Variants in PCDHGA2 observed in about 807,000 individuals in gnomAD.
PCDHGA2 encodes protocadherin gamma subfamily A, 2.
A neutral mutation model predicts 59.2 loss-of-function variants in PCDHGA2; 40 were observed. The observed-to-expected ratio is 0.68, with a 90% CI of 0.52 to 0.88. The LOEUF (loss-of-function observed/expected upper bound fraction) is 0.88, where lower values mean the gene tolerates loss of function less well. PCDHGA2 is among the 40% of genes least tolerant of loss of function. The probability of loss-of-function intolerance (pLI) is 0.00; values close to 1 mark genes in which losing one functional copy is unlikely to be tolerated. For synonymous variants in PCDHGA2, 560 were observed against 526.0 expected, an observed-to-expected ratio of 1.06 and a Z score of -0.89; for missense variants, 1,226 against 1,204.0, an observed-to-expected ratio of 1.02 and a Z score of -0.27.
At chr5:141,355,460 C>A in intron 1 of PCDHGA2, 1 of 1,614,006 alleles carries the variant, frequency 6.2e-7, no homozygotes, top group Non-Finnish European at 8.5e-7. Context: ...TTGGTCACCG[C>A]GGGTAGGATA....
chr5:141,410,023 C>G, intron 1 of PCDHGA2: 1 of 1,613,310 alleles, frequency 6.2e-7, no homozygotes, highest in Non-Finnish European at 8.5e-7. Context: ...TGTCCTACCA[C>G]GTGCTGCAGG....
At chr5:141,417,027 GGT>G (rs1491367168) in intron 1 of PCDHGA2, 2 of 134,514 alleles carry the variant, frequency 1.5e-5, no homozygotes, top group Non-Finnish European at 3.1e-5. Flanking sequence ...GAAAAATACA[GGT>G]TTTTTTTTTA....
chr5:141,396,922 C>T lies in PCDHGA2; in HGVS notation c.2424+55527C>T, dbSNP rs576253766. Among the ~76,000 whole-genome samples, 68 of 152,290 alleles carry T rather than the reference C, an allele frequency of 4.5e-4. 1 individual carries two copies. The highest frequency in any genetic ancestry group is 1.5e-3 in the African/African-American group (61 of 41,560). ...TTGGCACTTTGCAATTTTAAAAACT[C>T]GGATGAAAGTTGCCCTGGTAGGAAA... On this transcript the variant is annotated intron_variant, in intron 1 of 3. Transcript: ENST00000394576.
At chr5:141,348,113 G>T (rs1177514641) in intron 1 of PCDHGA2, among the ~76,000 whole-genome samples, 1 of 152,172 alleles carries the variant, frequency 6.6e-6, no homozygotes, top group Non-Finnish European at 1.5e-5. Flanking sequence ...TGCAATTTAT[G>T]AAATTATTTT....
In PCDHGA2 at chr5:141,340,998, G is replaced by A. The variant is rs1341842260; in HGVS notation, c.2027G>A (p.Gly676Asp). ...DRIPDILADL[G>D]SLEPSAIPND... ...ATCCCCGACATCCTGGCCGACCTGG[G>A]CAGCCTCGAGCCCTCCGCCATACCC... The change falls in exon 1 of 4, where the codon GGC becomes GAC. Residue 676 changes from glycine to aspartate, a missense_variant. Coordinates refer to ENST00000394576, the MANE Select transcript of PCDHGA2 (RefSeq NM_018915.4). 18 of 1,613,964 alleles carry A rather than the reference G, an allele frequency of 1.1e-5. No individual in the cohort carries two copies. Among genetic ancestry groups the A allele is most frequent in the Non-Finnish European group, 1.5e-5 (18 of 1,180,004 alleles).
At chr5:141,346,464 T>G in intron 1 of PCDHGA2, 1 of 1,614,010 alleles carries the variant, frequency 6.2e-7, no homozygotes, top group Non-Finnish European at 8.5e-7. Context: ...TCAGGTGAGT[T>G]TATTTATTTC....
intron 1 of PCDHGA2, chr5:141,405,033 T>TTGTGGC: frequency 6.2e-7 from 1 of 1,613,962 alleles, no homozygotes; most frequent in Non-Finnish European, 8.5e-7. Context: ...CTCTACCTCG[T>TTGTGGC]TGTGGCTGTG....
At chr5:141,368,055 A>G (rs531662241) in intron 1 of PCDHGA2, among the ~76,000 whole-genome samples, 10 of 152,346 alleles carry the variant, frequency 6.6e-5, no homozygotes, top group Non-Finnish European at 1.0e-4. Flanking sequence ...TAATGAAAGA[A>G]CTACTATATT....
At chr5:141,360,895 G>T in intron 1 of PCDHGA2, 3 of 1,614,046 alleles carry the variant, frequency 1.9e-6, no homozygotes, top group Non-Finnish European at 2.5e-6. Context: ...CCTGAGGGAG[G>T]ACGTGCCGCC....
rs762418103 is a variant in PCDHGA2 at position 141,364,738 on chromosome 5, A to G, written c.2424+23343A>G. Reference sequence around the variant, plus strand: ...ATAACTTCCCGCGTTTCCGGGATGAAGAGTTAAAAGTAAAAGTTAATGAAA... The same window carrying G: ...ATAACTTCCCGCGTTTCCGGGATGAGGAGTTAAAAGTAAAAGTTAATGAAA... On this transcript the variant is annotated intron_variant, in intron 1 of 3. Transcript: ENST00000394576. The G allele has an allele frequency of 3.1e-6, 5 of 1,613,948 alleles. 1 individual carries two copies. In the South Asian group the frequency reaches 5.5e-5, roughly 18 times the overall value.
At position 141,511,237 on chromosome 5, in the gene PCDHGA2, TG is replaced by T; in HGVS notation, c.*65del. 1 of 1,590,378 alleles carries T rather than the reference TG, an allele frequency of 6.3e-7. No individual in the cohort carries two copies. Among genetic ancestry groups the T allele is most frequent in the Non-Finnish European group, 8.6e-7 (1 of 1,168,304 alleles). On this transcript the variant is annotated 3_prime_UTR_variant, in exon 4 of 4. Transcript: ENST00000394576. ...CCAACCAGCCCAGCTTCTCCTTACC[TG>T]CACCCAGGCCTCAGAGTTTCAGGGC...
intron 1 of PCDHGA2, chr5:141,442,378 GGT>G (rs2098320015): frequency 6.6e-6 from 1 of 152,334 alleles, no homozygotes; most frequent in Middle Eastern, 3.4e-3. Context: ...ATTCCTACCA[GGT>G]GTGTGCTTCT....
intron 1 of PCDHGA2, chr5:141,414,233 T>C: frequency 1.2e-6 from 2 of 1,613,474 alleles, no homozygotes; most frequent in African/African-American, 2.7e-5. Context: ...GAGCTGACCA[T>C]CACGTCTCTA....
At chr5:141,417,423 C>T (rs1252792899) in intron 1 of PCDHGA2, 1 of 159,686 alleles carries the variant, frequency 6.3e-6, no homozygotes, top group African/African-American at 2.4e-5. Context: ...TATGTAAATT[C>T]AGTAAATAAA....
chr5:141,383,259 C>G (rs768704302), intron 1 of PCDHGA2: 1 of 1,613,810 alleles, frequency 6.2e-7, no homozygotes, highest in South Asian at 1.1e-5. Context: ...ACCCTATAGA[C>G]GTGGAAATAA....
chr5:141,491,817 G>T lies in PCDHGA2; in HGVS notation c.2425-2990G>T. On this transcript the variant is annotated intron_variant, in intron 1 of 3. Transcript: ENST00000394576. The surrounding 1 kb of genome is among the most constrained non-coding windows in gnomAD (Gnocchi z 6.9). ...TCTCCGGCCGGCTTGGTCGCTGGCT[G>T]CGCTCCACCCGATTCTCGGGATCAT... 1.3e-6 allele frequency: 2 copies of T among 1,484,188 alleles called. No homozygotes were observed. The highest frequency in any genetic ancestry group is 1.8e-6 in the Non-Finnish European group (2 of 1,117,664). 91.9% of individuals were successfully genotyped at this position (1,484,188 alleles called of 1,614,324 possible).
chr5:141,510,582 A>G (rs1156375287), intron 3 of PCDHGA2, among the ~76,000 whole-genome samples: 2 of 152,166 alleles, frequency 1.3e-5, no homozygotes, highest in Non-Finnish European at 2.9e-5. Context: ...TATTTTACGT[A>G]CCTGACATAC....
intron 1 of PCDHGA2, chr5:141,384,681 G>A (rs1373910602): frequency 6.2e-7 from 1 of 1,614,180 alleles, no homozygotes; most frequent in South Asian, 1.1e-5. Context: ...TGGTGGCGGT[G>A]GACAAAGATT....
intron 1 of PCDHGA2, chr5:141,367,398 G>C (rs1419985129): frequency 2.0e-5 from 3 of 152,206 alleles, no homozygotes; most frequent in African/African-American, 7.2e-5. Context: ...TTAGCCGGGC[G>C]TGGTGGCAGG....
Sources: allele counts gnomAD v4.1 joint callset (sites outside exome capture counted in the v4.1 genomes callset), GRCh38; gene constraint gnomAD v4.1.1; non-coding constraint Gnocchi (gnomAD v3.1); transcripts MANE v1.5; gene names NCBI Gene and HGNC (gene_info 2026-07-23, HGNC 2026-07-21).